OFD1: variants seen among roughly 807,000 people sequenced by gnomAD.
OFD1 encodes the protein OFD1 centriole and centriolar satellite protein.
OFD1 carries 12 observed loss-of-function variants against 81.4 expected under a neutral mutation model. The ratio of observed to expected loss-of-function variants is 0.15; its 90% confidence interval spans 0.09 to 0.24. The LOEUF (loss-of-function observed/expected upper bound fraction) is 0.24. Among genes scored for constraint, OFD1 ranks in the 10% least tolerant of loss-of-function variants. OFD1 has a pLI of 1.00. For missense variants in OFD1, 685 were observed against 733.9 expected (o/e 0.93, Z 0.77); for synonymous variants, 256 against 263.7 (o/e 0.97, Z 0.28).
chrX:13,721,581 C>G, the OFD1 span: 2 of 112,005 alleles, frequency 1.8e-5, no homozygotes, highest in Non-Finnish European at 3.8e-5. Context: ...ATTGGGCCTT[C>G]TGCTGATTCA....
chrX:13,755,186 A>G lies in OFD1; in HGVS notation c.1165A>G (p.Ile389Val). Residue 389 changes from isoleucine (I) to valine (V), a missense_variant, in exon 12 of 23, where the codon ATT (isoleucine) becomes GTT (valine). Ile to Val is a conservative substitution (Grantham distance 29, BLOSUM62 3). Coordinates refer to ENST00000340096, the MANE Select transcript of OFD1 (RefSeq NM_003611.3). ...AVHLQEELIAINSKKEELNQS... is the reference protein window; with the variant it reads ...AVHLQEELIAVNSKKEELNQS... ...TCATTTGCAAGAGGAGCTCATAGCT[A>G]TTAATTCAAAAAAGGAGGAACTCAA... 2 of 1,208,515 alleles carry G rather than the reference A, an allele frequency of 1.7e-6. No homozygotes were observed. Among genetic ancestry groups the G allele is most frequent in the Non-Finnish European group, 1.1e-6 (1 of 892,364 alleles).
chrX:13,754,854 A>G (rs1174015292), intron 11 of OFD1, among the ~76,000 whole-genome samples: 1 of 112,822 alleles, frequency 8.9e-6, no homozygotes, highest in African/African-American at 3.2e-5. Flanking sequence ...ATAGTAACAG[A>G]CAGATCTTTG....
At chrX:13,718,912 T>G in the OFD1 span, among the ~76,000 whole-genome samples, 1 of 110,961 alleles carries the variant, frequency 9.0e-6, no homozygotes, top group Non-Finnish European at 1.9e-5. Flanking sequence ...TCCCAGCACT[T>G]TGGGAGGCCG....
At chrX:13,765,055 C>G (rs1376337720) in intron 19 of OFD1, among the ~76,000 whole-genome samples, 1 of 112,258 alleles carries the variant, frequency 8.9e-6, no homozygotes, top group East Asian at 2.8e-4. Flanking sequence ...AACTGAGTAA[C>G]TAGGTGTTCT....
intron 2 of OFD1, chrX:13,736,075 G>A: frequency 1.4e-6 from 1 of 724,907 alleles, no homozygotes; most frequent in Non-Finnish European, 1.7e-6. Context: ...GCAGTCCCCT[G>A]TTGTTGAATA....
chrX:13,722,395 G>A, the OFD1 span, among the ~76,000 whole-genome samples: 2 of 110,491 alleles, frequency 1.8e-5, no homozygotes, highest in Non-Finnish European at 3.8e-5. Context: ...ACTGCATGAG[G>A]ATGCTGTTAC....
At chrX:13,716,725 T>C in the OFD1 span, 1 of 1,178,026 alleles carries the variant, frequency 8.5e-7, no homozygotes. Flanking sequence ...GCATATGGCA[T>C]CGAGAATGCT....
chrX:13,719,835 C>T, the OFD1 span: 1 of 960,004 alleles, frequency 1.0e-6, no homozygotes, highest in Non-Finnish European at 1.5e-6. Context: ...TCATATTATA[C>T]CATATCATTA....
At chrX:13,730,101 C>G (rs1164523053), upstream of OFD1, among the ~76,000 whole-genome samples, 4 of 110,804 alleles carry the variant, frequency 3.6e-5, no homozygotes, top group African/African-American at 1.3e-4. Context: ...AGCTTCTGCA[C>G]GGCAAAAGAA....
At chrX:13,733,495 T>A (rs1175268969), upstream of OFD1, among the ~76,000 whole-genome samples, 1 of 112,069 alleles carries the variant, frequency 8.9e-6, no homozygotes, top group Non-Finnish European at 1.9e-5. Context: ...CCTCTCCTCC[T>A]TTTCCATTGT....
intron 14 of OFD1, 78 bp from the exon 15 acceptor site, chrX:13,758,259 G>C (rs1295414114): frequency 2.9e-6 from 2 of 697,133 alleles, no homozygotes; most frequent in Non-Finnish European, 4.6e-6. Flanking sequence ...GTACAAACAT[G>C]ATAAGAGAAC....
At chrX:13,715,312 A>T in the OFD1 span, among the ~76,000 whole-genome samples, 1 of 112,438 alleles carries the variant, frequency 8.9e-6, no homozygotes, top group African/African-American at 3.2e-5. Context: ...GTCTCTACTG[A>T]AAATACAAAA....
the OFD1 span, among the ~76,000 whole-genome samples, chrX:13,719,019 C>T: frequency 8.2e-5 from 9 of 110,318 alleles, no homozygotes; most frequent in Non-Finnish European, 1.5e-4. Context: ...TAGCCTGGCA[C>T]AGTGGTGCGC....
downstream of OFD1, chrX:13,771,167 AT>A (rs1240355455): frequency 3.6e-5 from 4 of 112,336 alleles, no homozygotes; most frequent in African/African-American, 1.3e-4. Flanking sequence ...TACATAAAAA[AT>A]ATTAGACTAC....
At chrX:13,740,332 C>T in intron 5 of OFD1, 1 of 364,448 alleles carries the variant, frequency 2.7e-6, no homozygotes, top group East Asian at 9.7e-5. Context: ...GGCTTTTGAG[C>T]CTTGAAATGT....
upstream of OFD1, among the ~76,000 whole-genome samples, chrX:13,732,167 ATAT>A (rs2046689162): frequency 8.9e-6 from 1 of 111,955 alleles, no homozygotes; most frequent in Non-Finnish European, 1.9e-5. Flanking sequence ...CTCTTCAATA[ATAT>A]TATCATCTTT....
intron 2 of OFD1, 22 bp downstream of exon 2, chrX:13,735,368 G>T (rs371501200): frequency 1.7e-4 from 197 of 1,128,332 alleles, no homozygotes; most frequent in Non-Finnish European, 2.3e-4. Context: ...AGGCGTATCT[G>T]TGTCAGCTTT....
At chrX:13,717,723 G>A in the OFD1 span, among the ~76,000 whole-genome samples, 1 of 111,590 alleles carries the variant, frequency 9.0e-6, no homozygotes, top group Non-Finnish European at 1.9e-5. Flanking sequence ...TGGGGGACAA[G>A]AGCAAAACTC....
chrX:13,758,953 G>A (rs919296243), intron 15 of OFD1, among the ~76,000 whole-genome samples: 3 of 111,346 alleles, frequency 2.7e-5, no homozygotes, highest in Non-Finnish European at 5.7e-5. Context: ...TTGTAATGGG[G>A]ATAATAATAC....
Sources: allele counts gnomAD v4.1 joint callset (sites outside exome capture counted in the v4.1 genomes callset), GRCh38; gene constraint gnomAD v4.1.1; transcripts MANE v1.5; gene names NCBI Gene and HGNC (gene_info 2026-07-23, HGNC 2026-07-21).